C1orf21: variants seen among roughly 807,000 people sequenced by gnomAD.
C1orf21 encodes uncharacterized protein C1orf21.
In C1orf21, 3 loss-of-function variants were observed where a neutral mutation model predicts 18.7. The ratio of observed to expected loss-of-function variants is 0.16; its 90% CI spans 0.07 to 0.42. The LOEUF is 0.42. Ranked by LOEUF, C1orf21 falls within the 10% of genes least tolerant of loss-of-function variation. C1orf21 has a pLI of 0.99. For missense variants in C1orf21, 104 were observed against 143.6 expected (o/e 0.72, Z 1.41); for synonymous variants, 41 against 46.4 (o/e 0.88, Z 0.47).
At chr1:184,611,954 CTG>C (rs975747164) in intron 5 of C1orf21, among the ~76,000 whole-genome samples, 2 of 152,142 alleles carry the variant, frequency 1.3e-5, no homozygotes, top group Non-Finnish European at 2.9e-5. Flanking sequence ...GAATTCACCA[CTG>C]TGTCATTTAT....
chr1:184,509,498 T>C (rs962746920), intron 3 of C1orf21, among the ~76,000 whole-genome samples: 1 of 152,180 alleles, frequency 6.6e-6, no homozygotes. Flanking sequence ...TAGCTATCTT[T>C]GATCTGAAAT....
At chr1:184,542,492 T>C (rs982056527) in intron 3 of C1orf21, 2 of 152,178 alleles carry the variant, frequency 1.3e-5, no homozygotes, top group African/African-American at 4.8e-5. Flanking sequence ...TAATGATTCA[T>C]AGGACAGAAT....
Position 184,590,592 on chromosome 1 carries a change from C to G in C1orf21, c.190-147C>G, listed in dbSNP as rs1038337172. The G allele has an allele frequency of 5.9e-6, 4 of 678,980 alleles. No homozygotes were observed. The African/African-American group carries it at 7.2e-5, about 12-fold the overall frequency. The allele number at this position is 678,980 out of a possible 1,614,324, so 42.1% of individuals were successfully genotyped here. A position where few individuals can be genotyped will look rare whatever the true frequency, so the allele number is the denominator to read the frequency against. On this transcript the variant is annotated intron_variant, in intron 3 of 5. Transcript: ENST00000235307. Reference sequence around the variant, plus strand: ...AGGTTCTACCTGTTCTGTGTGTCATCTTTGCAAGGACTTTTGCCCTTGTGA... The same window carrying G: ...AGGTTCTACCTGTTCTGTGTGTCATGTTTGCAAGGACTTTTGCCCTTGTGA...
At chr1:184,394,775 G>C (rs1265515960) in intron 1 of C1orf21, among the ~76,000 whole-genome samples, 1 of 152,112 alleles carries the variant, frequency 6.6e-6, no homozygotes. Flanking sequence ...GCAATTAATA[G>C]GTTATAAGGA....
At chr1:184,615,894 C>T (rs1659815468) in intron 5 of C1orf21, among the ~76,000 whole-genome samples, 1 of 152,134 alleles carries the variant, frequency 6.6e-6, no homozygotes, top group African/African-American at 2.4e-5. Context: ...AATCAGGGTA[C>T]TTAGTATATG....
intron 3 of C1orf21, among the ~76,000 whole-genome samples, chr1:184,549,023 C>A (rs1658772592): frequency 6.6e-6 from 1 of 152,036 alleles, no homozygotes; most frequent in African/African-American, 2.4e-5. Context: ...TTTGTCCTTT[C>A]TAGTGCTATG....
chr1:184,509,260 G>A (rs1195222453), intron 3 of C1orf21, among the ~76,000 whole-genome samples: 3 of 152,000 alleles, frequency 2.0e-5, no homozygotes, highest in African/African-American at 7.3e-5. Flanking sequence ...TCCTTCTCTC[G>A]CAGTTTTGCA....
chr1:184,606,707 G>A (rs1173864127), intron 5 of C1orf21, among the ~76,000 whole-genome samples: 1 of 152,170 alleles, frequency 6.6e-6, no homozygotes, highest in Non-Finnish European at 1.5e-5. Flanking sequence ...CATTTAATAA[G>A]CTTGACATGA....
intron 5 of C1orf21, among the ~76,000 whole-genome samples, chr1:184,601,611 A>C (rs1402540882): frequency 6.6e-6 from 1 of 152,248 alleles, no homozygotes. Flanking sequence ...GCAATTTAAA[A>C]AAATGATTCA....
chr1:184,490,042 A>G (rs1657795042), intron 2 of C1orf21, among the ~76,000 whole-genome samples: 1 of 152,242 alleles, frequency 6.6e-6, no homozygotes, highest in Admixed American at 6.5e-5. Flanking sequence ...TCTATCCCAG[A>G]GGAGAAAGCA....
chr1:184,390,799 C>A (rs1655959569), intron 1 of C1orf21, among the ~76,000 whole-genome samples: 1 of 152,016 alleles, frequency 6.6e-6, no homozygotes, highest in African/African-American at 2.4e-5. Context: ...CTTCTTTGAG[C>A]CTCAATTTTA....
At chr1:184,438,361 G>GC (rs1656890550) in intron 1 of C1orf21, among the ~76,000 whole-genome samples, 1 of 152,226 alleles carries the variant, frequency 6.6e-6, no homozygotes, top group African/African-American at 2.4e-5. Flanking sequence ...CAGCTTGTCT[G>GC]CATCACCCAG....
At chr1:184,430,629 G>A (rs896087557) in intron 1 of C1orf21, among the ~76,000 whole-genome samples, 1 of 152,100 alleles carries the variant, frequency 6.6e-6, no homozygotes, top group African/African-American at 2.4e-5. Context: ...ATTTATACGA[G>A]GTCGAGACCT....
chr1:184,595,595 CTCT>C (rs1484747500), intron 4 of C1orf21, among the ~76,000 whole-genome samples: 3 of 152,142 alleles, frequency 2.0e-5, no homozygotes, highest in Non-Finnish European at 2.9e-5. Context: ...GAAGAGATTT[CTCT>C]TCTTCTCCCT....
chr1:184,478,590 C>T (rs1571377331), intron 2 of C1orf21, among the ~76,000 whole-genome samples: 1 of 152,226 alleles, frequency 6.6e-6, no homozygotes, highest in East Asian at 1.9e-4. Flanking sequence ...CTCCAGTGAA[C>T]TGCTAACGCT....
chr1:184,549,333 T>C (rs1042776832), intron 3 of C1orf21, among the ~76,000 whole-genome samples: 2 of 152,212 alleles, frequency 1.3e-5, no homozygotes, highest in Admixed American at 1.3e-4. Context: ...TTAAAGTACT[T>C]TGCTTTTAAA....
At chr1:184,460,312 G>A (rs1337981219) in intron 1 of C1orf21, among the ~76,000 whole-genome samples, 1 of 152,152 alleles carries the variant, frequency 6.6e-6, no homozygotes, top group African/African-American at 2.4e-5. Context: ...TCAGGAGAAG[G>A]TCATTCCTGT....
In C1orf21 at chr1:184,624,253, G is replaced by A. The variant is rs920241557; in HGVS notation, c.*4697G>A. Reference sequence around the variant, plus strand: ...TCTCACCAGCTTGGTTTCCTCATGGGGAGTGTTTTATTTGGCCTCCCCTAT... The same window carrying A: ...TCTCACCAGCTTGGTTTCCTCATGGAGAGTGTTTTATTTGGCCTCCCCTAT... On this transcript the variant is annotated 3_prime_UTR_variant, in exon 6 of 6. Coordinates refer to ENST00000235307, the MANE Select transcript of C1orf21 (RefSeq NM_030806.4). The A allele has an allele frequency of 4.6e-5, 7 of 152,664 alleles. No homozygotes were observed. In the South Asian group the frequency reaches 1.5e-3, roughly 32 times the overall value. The allele number at this position is 152,664 out of a possible 1,614,324, so 9.5% of individuals were successfully genotyped here.
At chr1:184,478,166 G>A (rs1347093971) in intron 2 of C1orf21, among the ~76,000 whole-genome samples, 1 of 152,044 alleles carries the variant, frequency 6.6e-6, no homozygotes, top group Non-Finnish European at 1.5e-5. Context: ...AGAACTGTAG[G>A]ACTAAAAACA....
Sources: allele counts gnomAD v4.1 joint callset (sites outside exome capture counted in the v4.1 genomes callset), GRCh38; gene constraint gnomAD v4.1.1; transcripts MANE v1.5; gene names NCBI Gene and HGNC (gene_info 2026-07-23, HGNC 2026-07-21).